Variants in CDK12 observed in about 807,000 individuals in gnomAD.
CDK12 encodes the protein cyclin dependent kinase 12, also known as cyclin-dependent kinase 12.
CDK12 carries 17 observed loss-of-function variants against 133.8 expected under a neutral mutation model. That is an observed-to-expected ratio of 0.13 (90% CI 0.09 to 0.19). CDK12 has a LOEUF of 0.19. Among genes scored for constraint, CDK12 ranks in the 10% least tolerant of loss-of-function variants. CDK12 has a pLI of 1.00. For synonymous variants in CDK12, 694 were observed against 683.6 expected (o/e 1.02, Z -0.24); for missense variants, 1,508 against 1,818.7 (o/e 0.83, Z 3.11).
chr17:39,534,407 C>T lies in CDK12; in HGVS notation c.*3091C>T. ...CTGATTTAGGTTCCTGACACTGATT[C>T]CTTTCTCTCTCGTTTTTGACCCCCA... is the stretch of plus-strand genomic sequence containing the variant. On this transcript the variant is annotated 3_prime_UTR_variant, in exon 14 of 14. Coordinates refer to ENST00000447079, the MANE Select transcript of CDK12 (RefSeq NM_016507.4). 4.3e-6 allele frequency: 1 copy of T among 232,812 alleles called. No individual in the cohort carries two copies. Among genetic ancestry groups the T allele is most frequent in the Non-Finnish European group, 8.5e-6 (1 of 117,748 alleles). 14.4% of individuals were successfully genotyped at this position (232,812 alleles called of 1,614,324 possible). A position where few individuals can be genotyped will look rare whatever the true frequency, so the allele number is the denominator to read the frequency against.
intron 2 of CDK12, among the ~76,000 whole-genome samples, chr17:39,472,344 A>AT (rs1250167515): frequency 1.3e-5 from 2 of 151,888 alleles, no homozygotes; most frequent in African/African-American, 4.8e-5. Flanking sequence ...TTTCCCTTAA[A>AT]TTTTTGTTGA....
At position 39,531,603 on chromosome 17, in the gene CDK12, A is replaced by T. The variant is rs1404295637; in HGVS notation, c.*287A>T. 1 of 332,036 alleles carries T rather than the reference A, an allele frequency of 3.0e-6. No homozygotes were observed. Among genetic ancestry groups the T allele is most frequent in the Admixed American group, 4.8e-5 (1 of 20,946 alleles). The allele number at this position is 332,036 out of a possible 1,614,324, so 20.6% of individuals were successfully genotyped here. ...AGAGGATCATTACATTGAAAAGTAAATGTTTTATTAGTTCATTGCCTGCAC... is the reference window on the plus strand; with the variant it reads ...AGAGGATCATTACATTGAAAAGTAATTGTTTTATTAGTTCATTGCCTGCAC... On this transcript the variant is annotated 3_prime_UTR_variant, in exon 14 of 14. Transcript: ENST00000447079.
At chr17:39,486,805 G>C (rs1428859103) in intron 2 of CDK12, among the ~76,000 whole-genome samples, 1 of 151,912 alleles carries the variant, frequency 6.6e-6, no homozygotes, top group Non-Finnish European at 1.5e-5. Context: ...TCAGGAGTTC[G>C]AGTCCAGCCT....
chr17:39,484,798 T>TTCAGTATTCAGTA (rs1233760631), intron 2 of CDK12, among the ~76,000 whole-genome samples: 1 of 152,138 alleles, frequency 6.6e-6, no homozygotes, highest in Non-Finnish European at 1.5e-5. Flanking sequence ...CATTGGAGCA[T>TTCAGTATTCAGTA]TTCAGTATTC....
At chr17:39,525,810 A>G (rs2054462274) in intron 12 of CDK12, 54 bp from the exon 13 acceptor site, 7 of 1,407,382 alleles carry the variant, frequency 5.0e-6, no homozygotes, top group South Asian at 2.6e-5. Context: ...GAAGAAGGCA[A>G]AGGGCCCTTG....
chr17:39,526,200 G>A lies in CDK12; in HGVS notation c.3644G>A (p.Ser1215Asn), dbSNP rs1292995441. Residue 1215 changes from serine (S) to asparagine (N), a missense_variant, in exon 13 of 14, where the codon AGT (serine) becomes AAT (asparagine). By Grantham distance (46) the Ser-to-Asn change is conservative (BLOSUM62 1). Coordinates refer to ENST00000447079, the MANE Select transcript of CDK12 (RefSeq NM_016507.4). ...CAGAATATATTGGCAGTTCTCTTGA[G>A]TCAGCTGATGAAAACCCAAGAGCCA... ...DMQNILAVLL[S>N]QLMKTQEPAG... 6.2e-7 allele frequency: 1 copy of A among 1,614,082 alleles called. No individual in the cohort carries two copies. Among genetic ancestry groups the A allele is most frequent in the African/African-American group, 1.3e-5 (1 of 75,016 alleles).
intron 2 of CDK12, among the ~76,000 whole-genome samples, chr17:39,551,302 C>T (rs575580903): frequency 3.7e-4 from 56 of 152,240 alleles, no homozygotes; most frequent in Non-Finnish European, 7.4e-4. Flanking sequence ...GGGACATTTC[C>T]TCTATACAGC....
At chr17:39,505,900 CTG>C (rs1043604652) in intron 6 of CDK12, among the ~76,000 whole-genome samples, 92 of 152,054 alleles carry the variant, frequency 6.1e-4, no homozygotes, top group African/African-American at 2.2e-3. Flanking sequence ...TAAGGGATGA[CTG>C]TAATTAAAAG....
chr17:39,565,435 G>GTTTC (rs2056538738), downstream of CDK12, among the ~76,000 whole-genome samples: 1 of 147,298 alleles, frequency 6.8e-6, no homozygotes, highest in African/African-American at 2.5e-5. Context: ...TTGTTTGTTT[G>GTTTC]TTTGTTTGTT....
intron 3 of CDK12, among the ~76,000 whole-genome samples, chr17:39,556,623 T>C (rs533914490): frequency 6.6e-6 from 1 of 152,250 alleles, no homozygotes; most frequent in South Asian, 2.1e-4. Flanking sequence ...CTCCTGGCTT[T>C]TTCCCAGCTC....
intron 3 of CDK12, among the ~76,000 whole-genome samples, chr17:39,491,526 G>A (rs966402160): frequency 1.1e-4 from 16 of 151,938 alleles, no homozygotes; most frequent in Non-Finnish European, 1.5e-5. Flanking sequence ...GTGAGCCACC[G>A]CGTCCGGCCT....
intron 1 of CDK12, among the ~76,000 whole-genome samples, chr17:39,467,204 C>G (rs1333221515): frequency 1.3e-5 from 2 of 152,038 alleles, no homozygotes; most frequent in African/African-American, 4.8e-5. Context: ...GTCTTGATCT[C>G]TTGACCTCAG....
upstream of CDK12, among the ~76,000 whole-genome samples, chr17:39,545,496 C>CTTT (rs34616390): frequency 1.1e-3 from 109 of 103,582 alleles, no homozygotes; most frequent in Non-Finnish European, 1.4e-3. Context: ...CCCCAAAAAG[C>CTTT]TTTTTTTTTT....
intron 1 of CDK12, among the ~76,000 whole-genome samples, chr17:39,467,689 T>A (rs1231217921): frequency 6.6e-6 from 1 of 152,160 alleles, no homozygotes; most frequent in African/African-American, 2.4e-5. Flanking sequence ...GGGTTTTACA[T>A]GTTTTCCCTG....
intron 2 of CDK12, among the ~76,000 whole-genome samples, chr17:39,475,465 T>C (rs1202661500): frequency 6.6e-6 from 1 of 152,056 alleles, no homozygotes; most frequent in Non-Finnish European, 1.5e-5. Context: ...AGAGACCCTG[T>C]CTTTAAAAAT....
intron 2 of CDK12, among the ~76,000 whole-genome samples, chr17:39,477,574 ATTTTTTTT>A (rs200567677): frequency 1.5e-5 from 2 of 133,454 alleles, no homozygotes; most frequent in South Asian, 2.3e-4. Context: ...TTTATTATTT[ATTTTTTTT>A]TTTTTTTTGA....
In CDK12 at chr17:39,462,272, C is replaced by A. The variant is rs753976596; in HGVS notation, c.201C>A (p.Ile67=). 6.2e-7 allele frequency: 1 copy of A among 1,614,192 alleles called. No individual in the cohort carries two copies. The highest frequency in any genetic ancestry group is 8.5e-7 in the Non-Finnish European group (1 of 1,180,052). ...AAGCAGCATCCCTGGGCACAGTTAT[C>A]AAACCTTTGGTGGAGTATGATGATA... The part of the protein sequence containing the change: ...TPEAASLGTV[I]KPLVEYDDIS... The change falls in exon 1 of 14, where the codon ATC becomes ATA. Residue 67 remains isoleucine, a synonymous_variant. Transcript: ENST00000447079.
At chr17:39,491,554 C>T (rs943534438) in intron 3 of CDK12, among the ~76,000 whole-genome samples, 13 of 152,020 alleles carry the variant, frequency 8.6e-5, no homozygotes, top group African/African-American at 3.1e-4. Flanking sequence ...TCATAGCAGC[C>T]TTAGCATGTA....
At chr17:39,489,268 C>G (rs889514253) in intron 2 of CDK12, among the ~76,000 whole-genome samples, 3 of 151,732 alleles carry the variant, frequency 2.0e-5, no homozygotes, top group Non-Finnish European at 4.4e-5. Context: ...TGGGGTTTCA[C>G]TGTATTGCCC....
Sources: allele counts gnomAD v4.1 joint callset (sites outside exome capture counted in the v4.1 genomes callset), GRCh38; gene constraint gnomAD v4.1.1; transcripts MANE v1.5; gene names NCBI Gene and HGNC (gene_info 2026-07-23, HGNC 2026-07-21).